HS6ST3: variants seen among roughly 807,000 people sequenced by gnomAD.
HS6ST3 encodes the protein heparan-sulfate 6-O-sulfotransferase 3.
A neutral mutation model predicts 36.7 loss-of-function variants in HS6ST3; 12 were observed. That is an observed-to-expected ratio of 0.33 (90% confidence interval 0.21 to 0.53). The LOEUF is 0.53. Ranked by LOEUF, HS6ST3 falls within the 20% of genes least tolerant of loss-of-function variation. The pLI, the probability that HS6ST3 is intolerant of heterozygous loss-of-function variation, is 0.95. For missense variants in HS6ST3, 584 were observed against 640.9 expected, an observed-to-expected ratio of 0.91 and a Z score of 0.96; for synonymous variants, 240 against 257.5, an observed-to-expected ratio of 0.93 and a Z score of 0.65.
intron 1 of HS6ST3, among the ~76,000 whole-genome samples, chr13:96,554,865 T>TGGTC (rs1227235968): frequency 6.6e-6 from 1 of 151,702 alleles, no homozygotes; most frequent in East Asian, 2.0e-4. Flanking sequence ...GCTCAGGAGT[T>TGGTC]TGAGACCAAC....
intron 1 of HS6ST3, among the ~76,000 whole-genome samples, chr13:96,743,119 G>A (rs1246948498): frequency 6.6e-6 from 1 of 152,046 alleles, no homozygotes; most frequent in Admixed American, 6.6e-5. Context: ...TCTCCAAGAA[G>A]ATCATGCTCC....
At chr13:96,514,764 G>T (rs1421222749) in intron 1 of HS6ST3, among the ~76,000 whole-genome samples, 1 of 152,128 alleles carries the variant, frequency 6.6e-6, no homozygotes, top group Non-Finnish European at 1.5e-5. Context: ...GACTAATCTG[G>T]TAACCCTGAG....
At chr13:96,703,284 C>T (rs192428803) in intron 1 of HS6ST3, among the ~76,000 whole-genome samples, 3 of 152,304 alleles carry the variant, frequency 2.0e-5, no homozygotes, top group East Asian at 3.9e-4. Context: ...GATGCTTTTA[C>T]ACAGCTTGCT....
chr13:96,405,454 G>C (rs749253431), intron 1 of HS6ST3, among the ~76,000 whole-genome samples: 2 of 152,126 alleles, frequency 1.3e-5, no homozygotes, highest in African/African-American at 4.8e-5. Flanking sequence ...GTCCTTATCT[G>C]TTCATTTTTG....
chr13:96,267,573 G>T (rs2054698570), intron 1 of HS6ST3, among the ~76,000 whole-genome samples: 1 of 150,346 alleles, frequency 6.7e-6, no homozygotes. Context: ...GTCTTTCCAA[G>T]GCACTGTGTA....
rs146453895 is a variant in HS6ST3, at chr13:96,427,849, T to C, written c.707+336280T>C. Among the ~76,000 whole-genome samples, 1,461 of 152,266 alleles carry C rather than the reference T, an allele frequency of 9.6e-3. 22 individuals are homozygous for C. Among genetic ancestry groups the C allele is most frequent in the African/African-American group, 0.034 (1,398 of 41,552 alleles). On this transcript the variant is annotated intron_variant, in intron 1 of 1. Coordinates refer to ENST00000376705, the MANE Select transcript of HS6ST3 (RefSeq NM_153456.4). ...AATTCTTGGACTTGTCTTGCTTTCTTGACCTTGACACTTTGAGAGTACTGA... is the reference window on the plus strand; with the variant it reads ...AATTCTTGGACTTGTCTTGCTTTCTCGACCTTGACACTTTGAGAGTACTGA...
rs1448376638 is a variant in HS6ST3 at position 96,205,200 on chromosome 13, T to TCTA, written c.707+113633_707+113635dup. 3.3e-5 allele frequency among the ~76,000 whole-genome samples: 5 copies of TCTA among 152,082 alleles called. No homozygotes were observed. In the South Asian group the frequency reaches 1.0e-3, roughly 32 times the overall value. On this transcript the variant is annotated intron_variant, in intron 1 of 1. Coordinates refer to ENST00000376705, the MANE Select transcript of HS6ST3 (RefSeq NM_153456.4). ...ACCATCAGAGAATACTATAAACACC[T>TCTA]CTACACACATAAACTAGAAAATCTA...
chr13:96,219,702 G>A (rs1014786020), intron 1 of HS6ST3, among the ~76,000 whole-genome samples: 2 of 143,888 alleles, frequency 1.4e-5, no homozygotes, highest in Non-Finnish European at 3.0e-5. Flanking sequence ...TTTTTTTTTT[G>A]AGACGAAGTC....
chr13:96,136,108 T>C (rs1412365270), intron 1 of HS6ST3, among the ~76,000 whole-genome samples: 1 of 152,192 alleles, frequency 6.6e-6, no homozygotes, highest in Non-Finnish European at 1.5e-5. Flanking sequence ...GTTATCACCG[T>C]CAGGTGCACC....
intron 1 of HS6ST3, among the ~76,000 whole-genome samples, chr13:96,766,979 T>A (rs1206056565): frequency 6.6e-6 from 1 of 152,240 alleles, no homozygotes; most frequent in Non-Finnish European, 1.5e-5. Flanking sequence ...TCAACTTTAG[T>A]GTATTTTTAT....
intron 1 of HS6ST3, among the ~76,000 whole-genome samples, chr13:96,740,490 A>G (rs1876410668): frequency 6.6e-6 from 1 of 152,234 alleles, no homozygotes; most frequent in Admixed American, 6.5e-5. Context: ...ACAAATGTAA[A>G]ATATGAGGGA....
chr13:96,245,466 G>A (rs755125134), intron 1 of HS6ST3, among the ~76,000 whole-genome samples: 7 of 152,114 alleles, frequency 4.6e-5, no homozygotes, highest in Admixed American at 6.6e-5. Flanking sequence ...CCCATTCATG[G>A]TGTCTACTTT....
chr13:96,735,161 G>C (rs776268888), intron 1 of HS6ST3, among the ~76,000 whole-genome samples: 27 of 151,522 alleles, frequency 1.8e-4, no homozygotes, highest in Non-Finnish European at 3.4e-4. Flanking sequence ...ATAGTCTAAT[G>C]TGCTATTTAC....
chr13:96,588,563 G>T (rs1326145713), intron 1 of HS6ST3, among the ~76,000 whole-genome samples: 2 of 152,140 alleles, frequency 1.3e-5, no homozygotes, highest in Non-Finnish European at 2.9e-5. Flanking sequence ...AATCATCCTT[G>T]CATCCCTGGG....
At chr13:96,457,118 C>G (rs1232468493) in intron 1 of HS6ST3, among the ~76,000 whole-genome samples, 1 of 152,086 alleles carries the variant, frequency 6.6e-6, no homozygotes, top group African/African-American at 2.4e-5. Flanking sequence ...CTGAATGACC[C>G]TCATTAGAAT....
At chr13:96,170,968 T>C (rs1328638504) in intron 1 of HS6ST3, among the ~76,000 whole-genome samples, 1 of 152,220 alleles carries the variant, frequency 6.6e-6, no homozygotes, top group East Asian at 1.9e-4. Context: ...AATTGGATTG[T>C]ACTGAAATTA....
chr13:96,367,129 G>A (rs953665029), intron 1 of HS6ST3, among the ~76,000 whole-genome samples: 1 of 152,162 alleles, frequency 6.6e-6, no homozygotes, highest in Non-Finnish European at 1.5e-5. Flanking sequence ...ACTGAGCCAT[G>A]AATAATTATG....
At chr13:96,386,756 C>T (rs994565057) in intron 1 of HS6ST3, among the ~76,000 whole-genome samples, 3 of 152,076 alleles carry the variant, frequency 2.0e-5, no homozygotes, top group Admixed American at 1.3e-4. Flanking sequence ...ATCCCAGCTA[C>T]TCAGGAGGCT....
chr13:96,815,035 T>C (rs1404667927), intron 1 of HS6ST3, among the ~76,000 whole-genome samples: 1 of 152,216 alleles, frequency 6.6e-6, no homozygotes. Context: ...CCAATAAAGA[T>C]ATACCTTGTT....
Sources: gnomAD v4.1 joint callset for allele counts (sites outside exome capture counted in the v4.1 genomes callset) on GRCh38, gnomAD v4.1.1 for gene constraint, MANE v1.5 for transcripts, NCBI Gene and HGNC (gene_info 2026-07-23, HGNC 2026-07-21) for gene names.